USP18: variants seen among roughly 807,000 people sequenced by gnomAD.
USP18 encodes ubiquitin specific peptidase 18.
USP18 carries 11 observed loss-of-function variants against 48.7 expected under a neutral mutation model. The observed-to-expected ratio is 0.23, with a 90% confidence interval of 0.14 to 0.37. The LOEUF (loss-of-function observed/expected upper bound fraction) is 0.37, where lower values mean the gene tolerates loss of function less well. USP18 is among the 10% of genes least tolerant of loss of function. The probability of loss-of-function intolerance (pLI) is 1.00; values close to 1 mark genes in which losing one functional copy is unlikely to be tolerated. For synonymous variants in USP18, 114 were observed against 163.2 expected, an observed-to-expected ratio of 0.70 and a Z score of 2.30; for missense variants, 285 against 436.4, an observed-to-expected ratio of 0.65 and a Z score of 3.09.
At chr22:18,171,651 C>CAAAA (rs1929628982) in intron 8 of USP18, among the ~76,000 whole-genome samples, 2 of 150,972 alleles carry the variant, frequency 1.3e-5, no homozygotes, top group Non-Finnish European at 3.0e-5. Context: ...ACAAGAAAAA[C>CAAAA]TAAAAAAAAA....
At chr22:18,160,330 G>T in intron 3 of USP18, 62 bp downstream of exon 3, 3 of 1,593,792 alleles carry the variant, frequency 1.9e-6, no homozygotes, top group Non-Finnish European at 2.6e-6. Context: ...TTTTGAGATG[G>T]AGTCTTGCTC....
At chr22:18,160,904 G>A (rs1929313458) in intron 3 of USP18, among the ~76,000 whole-genome samples, 1 of 150,858 alleles carries the variant, frequency 6.6e-6, no homozygotes, top group Admixed American at 6.6e-5. Context: ...CAAGTAGCTG[G>A]GATTACAGGC....
chr22:18,172,840 A>G (rs28595049), intron 8 of USP18, among the ~76,000 whole-genome samples: 46,942 of 139,960 alleles, frequency 0.34, 6,656 homozygotes, highest in Non-Finnish European at 0.4. Flanking sequence ...TTGTGGAGAA[A>G]CAGAACTGTG....
rs565716344 is a variant in USP18 at position 18,170,154 on chromosome 22, T to A, written c.723+215T>A. On this transcript the variant is annotated intron_variant, in intron 7 of 10. Coordinates refer to ENST00000215794, the MANE Select transcript of USP18 (RefSeq NM_017414.4). ...CATTTGGTTGCAGATGTGGAACTCGTGCCTATGGGGGAGGGCAGACTGTAT... is the reference window on the plus strand; with the variant it reads ...CATTTGGTTGCAGATGTGGAACTCGAGCCTATGGGGGAGGGCAGACTGTAT... Among the ~76,000 whole-genome samples, 357 of 151,188 alleles carry A rather than the reference T, an allele frequency of 2.4e-3. 1 individual carries two copies. The highest frequency in any genetic ancestry group is 3.6e-3 in the Non-Finnish European group (246 of 67,872).
chr22:18,160,805 C>T (rs561008153), intron 3 of USP18, among the ~76,000 whole-genome samples: 1 of 136,300 alleles, frequency 7.3e-6, no homozygotes, highest in East Asian at 2.3e-4. Context: ...AAGCCTCACT[C>T]TGTCCCCAGG....
At chr22:18,153,472 T>G (rs1309757376) in intron 1 of USP18, among the ~76,000 whole-genome samples, 2 of 150,590 alleles carry the variant, frequency 1.3e-5, no homozygotes, top group African/African-American at 4.9e-5. Context: ...TTGCCCAGGC[T>G]GGAGTGCCGT....
At chr22:18,157,307 C>G (rs1411712482) in intron 1 of USP18, among the ~76,000 whole-genome samples, 1 of 152,198 alleles carries the variant, frequency 6.6e-6, no homozygotes, top group African/African-American at 2.4e-5. Flanking sequence ...CCTATGCGCG[C>G]TTCCCTGTCC....
intron 8 of USP18, 114 bp from the exon 9 acceptor site, chr22:18,173,036 T>C: frequency 1.9e-6 from 3 of 1,557,400 alleles, no homozygotes; most frequent in Non-Finnish European, 2.6e-6. Flanking sequence ...GGGTCGGGAC[T>C]GTTTTCTAAT....
rs542650205 is a variant in USP18, at chr22:18,172,898, G to A, written c.892-252G>A. Reference sequence around the variant, plus strand: ...CAGGGGAAAGTTCTAATCTTGCCTTGGCTTTGGGGGCCTCTCTCATGACCT... The same window carrying A: ...CAGGGGAAAGTTCTAATCTTGCCTTAGCTTTGGGGGCCTCTCTCATGACCT... On this transcript the variant is annotated intron_variant, in intron 8 of 10. Transcript: ENST00000215794. Among the ~76,000 whole-genome samples the A allele has an allele frequency of 5.0e-4, 74 of 146,906 alleles. 1 individual carries two copies. Among genetic ancestry groups the A allele is most frequent in the Non-Finnish European group, 8.9e-4 (59 of 66,418 alleles).
chr22:18,157,406 G>A (rs1929190185), intron 1 of USP18, among the ~76,000 whole-genome samples, 152 bp from the exon 2 acceptor site: 3 of 152,222 alleles, frequency 2.0e-5, no homozygotes, highest in African/African-American at 7.2e-5. Flanking sequence ...GGGATGTGTA[G>A]CCTAGCTGTC....
At chr22:18,169,122 C>G (rs1296340317) in intron 6 of USP18, among the ~76,000 whole-genome samples, 1 of 123,664 alleles carries the variant, frequency 8.1e-6, no homozygotes, top group African/African-American at 3.8e-5. Flanking sequence ...GTGTCCCTGC[C>G]CAAAAATCTC....
At chr22:18,160,813 A>G (rs1602524256) in intron 3 of USP18, among the ~76,000 whole-genome samples, 1 of 127,082 alleles carries the variant, frequency 7.9e-6, no homozygotes, top group East Asian at 2.3e-4. Context: ...CTCTGTCCCC[A>G]GGCTGGAGTG....
chr22:18,159,499 C>CT (rs34724251), intron 2 of USP18, among the ~76,000 whole-genome samples: 25,801 of 139,964 alleles, frequency 0.18, 4,003 homozygotes, highest in East Asian at 0.63. Flanking sequence ...TTTTTGTCAA[C>CT]TTTTTTTTTT....
At chr22:18,152,548 C>T (rs62229505) in intron 1 of USP18, among the ~76,000 whole-genome samples, 12,448 of 151,446 alleles carry the variant, frequency 0.082, 612 homozygotes, top group Non-Finnish European at 0.11. Flanking sequence ...GACAGAGTCT[C>T]AAACAAAGAC....
At chr22:18,172,579 C>T (rs1433070974) in intron 8 of USP18, among the ~76,000 whole-genome samples, 4 of 151,508 alleles carry the variant, frequency 2.6e-5, no homozygotes, top group Non-Finnish European at 5.9e-5. Flanking sequence ...TATGCCAGCA[C>T]TGGCTGGTTG....
chr22:18,171,501 C>G (rs1312798012), intron 8 of USP18, among the ~76,000 whole-genome samples: 2 of 150,654 alleles, frequency 1.3e-5, no homozygotes, highest in Non-Finnish European at 3.0e-5. Flanking sequence ...GGTGTGGTAG[C>G]ACAAACCTTT....
At chr22:18,173,391 T>G (rs1257815037) in intron 9 of USP18, 110 bp downstream of exon 9, 1 of 1,481,722 alleles carries the variant, frequency 6.7e-7, no homozygotes, top group African/African-American at 1.4e-5. Flanking sequence ...GTGATCCTGC[T>G]GTCTGGGTGT....
At chr22:18,170,017 A>C (rs1399966348) in intron 7 of USP18, 78 bp downstream of exon 7, 1 of 1,455,640 alleles carries the variant, frequency 6.9e-7, no homozygotes, top group African/African-American at 1.4e-5. Context: ...GCTTTTACCA[A>C]AATCCACACA....
intron 1 of USP18, among the ~76,000 whole-genome samples, chr22:18,155,700 C>T (rs544676736): frequency 9.2e-5 from 14 of 152,332 alleles, no homozygotes; most frequent in African/African-American, 2.4e-4. Context: ...GATTTCTCGC[C>T]GGGCCTTAGC....
Sources: gnomAD v4.1 joint callset for allele counts (sites outside exome capture counted in the v4.1 genomes callset) on GRCh38, gnomAD v4.1.1 for gene constraint, MANE v1.5 for transcripts, NCBI Gene and HGNC (gene_info 2026-07-23, HGNC 2026-07-21) for gene names.